SCAPER: variants seen among roughly 807,000 people sequenced by gnomAD.
SCAPER encodes S phase cyclin A-associated protein in the endoplasmic reticulum.
Under a neutral mutation model 182.2 loss-of-function variants are expected in SCAPER, and 98 were observed. The ratio of observed to expected loss-of-function variants is 0.54; its 90% CI spans 0.46 to 0.64. The LOEUF (loss-of-function observed/expected upper bound fraction) is 0.64, where lower values mean the gene tolerates loss of function less well. Among genes scored for constraint, SCAPER ranks in the 30% least tolerant of loss-of-function variants. SCAPER has a pLI of 0.00. For synonymous variants in SCAPER, 605 were observed against 564.6 expected (o/e 1.07, Z -1.01); for missense variants, 1,432 against 1,690.0 (o/e 0.85, Z 2.68).
intron 6 of SCAPER, among the ~76,000 whole-genome samples, chr15:76,802,415 C>A (rs1006947810): frequency 6.6e-6 from 1 of 152,130 alleles, no homozygotes; most frequent in African/African-American, 2.4e-5. Context: ...CTTGGTTCAA[C>A]CCAGTGAAAG....
At chr15:76,723,743 C>A (rs2060408624) in intron 17 of SCAPER, among the ~76,000 whole-genome samples, 1 of 152,176 alleles carries the variant, frequency 6.6e-6, no homozygotes. Flanking sequence ...ACTAGGATTG[C>A]AACCCCTGCC....
rs756588191 is a variant in SCAPER at position 76,774,941 on chromosome 15, C to A, written c.949G>T (p.Val317Phe). 19 of 1,613,686 alleles carry A rather than the reference C, an allele frequency of 1.2e-5. No individual in the cohort carries two copies. The highest frequency in any genetic ancestry group is 1.0e-5 in the Non-Finnish European group (12 of 1,179,776). Residue 317 changes from valine (V) to phenylalanine (F), a missense_variant, in exon 9 of 32, where the codon GTT (valine) becomes TTT (phenylalanine). Around this residue, in one of 5 missense-constraint regions of SCAPER, gnomAD observed 480 missense variants for 510.2 expected, o/e 0.94. Transcript: ENST00000563290. Reference sequence around the variant, plus strand: ...ATAGTATTAGAAGTTCCATCTCCAACAAATTGACCTTTCTGTATGCTTTCA... The same window carrying A: ...ATAGTATTAGAAGTTCCATCTCCAAAAAATTGACCTTTCTGTATGCTTTCA... ...PDESIQKGQF[V>F]GDGTSNTIES... is the part of the protein sequence containing the mutation.
chr15:76,732,529 T>G (rs2060976074), intron 16 of SCAPER, among the ~76,000 whole-genome samples: 1 of 131,102 alleles, frequency 7.6e-6, no homozygotes, highest in Non-Finnish European at 1.6e-5. Context: ...CTTGGTCTAG[T>G]GGTAACGCCA....
chr15:76,494,550 T>C (rs1361429447), intron 24 of SCAPER, among the ~76,000 whole-genome samples: 1 of 152,240 alleles, frequency 6.6e-6, no homozygotes, highest in East Asian at 1.9e-4. Context: ...AATGATATTT[T>C]ACTTTTATTA....
At chr15:76,706,871 A>C (rs12148375) in intron 17 of SCAPER, among the ~76,000 whole-genome samples, 117 of 151,904 alleles carry the variant, frequency 7.7e-4, no homozygotes, top group South Asian at 1.9e-3. Context: ...ACACACATAC[A>C]CACACACACA....
chr15:76,720,154 C>T (rs1158298608), intron 17 of SCAPER, among the ~76,000 whole-genome samples: 1 of 149,660 alleles, frequency 6.7e-6, no homozygotes, highest in Admixed American at 6.7e-5. Flanking sequence ...TATTCAATTC[C>T]CACCTATGAG....
intron 25 of SCAPER, among the ~76,000 whole-genome samples, chr15:76,439,595 T>C (rs2047424501): frequency 6.6e-6 from 1 of 152,242 alleles, no homozygotes; most frequent in Non-Finnish European, 1.5e-5. Context: ...ACACTTGAGT[T>C]TGAACTTACT....
intron 20 of SCAPER, among the ~76,000 whole-genome samples, chr15:76,666,708 A>G (rs897080041): frequency 2.0e-5 from 3 of 152,150 alleles, no homozygotes; most frequent in African/African-American, 4.8e-5. Context: ...CTCTCCTTAA[A>G]TCTCCAATAT....
rs1178448519 is a variant in SCAPER at position 76,714,612 on chromosome 15, G to C, written c.2166-8628C>G. On this transcript the variant is annotated intron_variant, in intron 17 of 31. Coordinates refer to ENST00000563290, the MANE Select transcript of SCAPER (RefSeq NM_020843.4). Reference sequence around the variant, plus strand: ...GGAGGGACATAAAAGGGGCTTTTGGGGAGCTGATGATGTTCTCTTTCTTGG... The same window carrying C: ...GGAGGGACATAAAAGGGGCTTTTGGCGAGCTGATGATGTTCTCTTTCTTGG... Among the ~76,000 whole-genome samples the C allele has an allele frequency of 1.7e-4, 26 of 152,048 alleles. 1 individual carries two copies. Among genetic ancestry groups the C allele is most frequent in the Admixed American group, 1.7e-3 (26 of 15,262 alleles).
rs1187491389 is a variant in SCAPER at position 76,795,416 on chromosome 15, A to C, written c.636T>G (p.Ala212=). The C allele has an allele frequency of 7.5e-6, 12 of 1,604,716 alleles. No individual in the cohort carries two copies. The highest frequency in any genetic ancestry group is 1.7e-5 in the Admixed American group (1 of 59,242). ...TGACACCTGTGGGAGCCAGACGAGGAGCTGGCACTGTGCCAGTTGAACCTC... is the reference window on the plus strand; with the variant it reads ...TGACACCTGTGGGAGCCAGACGAGGCGCTGGCACTGTGCCAGTTGAACCTC... ...NFGGSTGTVP[A]PRLAPTGVSW... Residue 212 remains alanine, a synonymous_variant, in exon 8 of 32, where the codon GCT becomes GCG. Coordinates refer to ENST00000563290, the MANE Select transcript of SCAPER (RefSeq NM_020843.4).
intron 17 of SCAPER, among the ~76,000 whole-genome samples, chr15:76,713,640 G>A (rs2059718331): frequency 6.6e-6 from 1 of 151,804 alleles, no homozygotes; most frequent in Admixed American, 6.6e-5. Flanking sequence ...GGGGTGGGGG[G>A]AGAGGGGAGG....
At chr15:76,881,509 T>C (rs965395524) in intron 2 of SCAPER, among the ~76,000 whole-genome samples, 2 of 152,164 alleles carry the variant, frequency 1.3e-5, no homozygotes, top group African/African-American at 2.4e-5. Flanking sequence ...CAAAACGTAA[T>C]ATATTATTAT....
At chr15:76,850,178 C>G (rs776835583) in intron 4 of SCAPER, among the ~76,000 whole-genome samples, 1 of 152,162 alleles carries the variant, frequency 6.6e-6, no homozygotes, top group Non-Finnish European at 1.5e-5. Context: ...CAAATAAAGA[C>G]CTTGCACAAA....
chr15:76,743,753 C>T (rs925794284), intron 15 of SCAPER, among the ~76,000 whole-genome samples: 9 of 152,096 alleles, frequency 5.9e-5, no homozygotes, highest in Non-Finnish European at 5.9e-5. Context: ...TATCAAACCA[C>T]CAGTGGCATT....
At chr15:76,529,703 AAGGCAGAAG>A (rs749401190) in intron 23 of SCAPER, among the ~76,000 whole-genome samples, 50 of 152,270 alleles carry the variant, frequency 3.3e-4, no homozygotes, top group Admixed American at 3.9e-4. Flanking sequence ...CCAAGAGCCT[AAGGCAGAAG>A]AAAGCTGACA....
At chr15:76,677,746 C>T (rs2057450127) in intron 20 of SCAPER, among the ~76,000 whole-genome samples, 1 of 149,664 alleles carries the variant, frequency 6.7e-6, no homozygotes, top group Non-Finnish European at 1.5e-5. Flanking sequence ...GACCAAAGCT[C>T]TGGTTTTCCT....
chr15:76,638,545 T>A (rs1178136959), intron 21 of SCAPER, among the ~76,000 whole-genome samples: 1 of 152,190 alleles, frequency 6.6e-6, no homozygotes, highest in Non-Finnish European at 1.5e-5. Context: ...ATAATCTCAC[T>A]CTGTTAAGAG....
intron 21 of SCAPER, 24 bp from the exon 22 acceptor site, chr15:76,621,853 A>G: frequency 6.5e-7 from 1 of 1,546,644 alleles, no homozygotes; most frequent in South Asian, 1.2e-5. Flanking sequence ...AAGTTTTAAC[A>G]CAGTTATTTC....
At chr15:76,496,227 C>CT (rs35760422) in intron 24 of SCAPER, among the ~76,000 whole-genome samples, 59,031 of 149,314 alleles carry the variant, frequency 0.4, 13,498 homozygotes, top group Middle Eastern at 0.56. Context: ...CATTAACAAC[C>CT]TTTTTTTTTT....
Sources: gnomAD v4.1 joint callset for allele counts (sites outside exome capture counted in the v4.1 genomes callset) on GRCh38, gnomAD v4.1.1 for gene constraint, gnomAD v4.1.1 regional missense constraint, MANE v1.5 for transcripts, NCBI Gene and HGNC (gene_info 2026-07-23, HGNC 2026-07-21) for gene names.